Variants in SH3TC1 observed in about 807,000 individuals in gnomAD.
The protein encoded by SH3TC1 is SH3 domain and tetratricopeptide repeat-containing protein 1.
SH3TC1 carries 135 observed loss-of-function variants against 117.3 expected under a neutral mutation model. The observed-to-expected ratio is 1.15, with a 90% CI of 1.00 to 1.33. SH3TC1 has a LOEUF of 1.33. SH3TC1 is among the 40% of genes most tolerant of loss of function. The pLI, the probability that SH3TC1 is intolerant of heterozygous loss-of-function variation, is 0.00. For missense variants in SH3TC1, 2,092 were observed against 1,794.3 expected (o/e 1.17, Z -3.00); for synonymous variants, 898 against 816.9 (o/e 1.10, Z -1.69).
At chr4:8,200,070 G>A (rs1717727654) in intron 1 of SH3TC1, among the ~76,000 whole-genome samples, 1 of 152,234 alleles carries the variant, frequency 6.6e-6, no homozygotes, top group Non-Finnish European at 1.5e-5. Context: ...AGCCCTGGGA[G>A]CCCTGCCCTG....
rs918508254 is a variant in SH3TC1, at chr4:8,186,378, C to T, written c.-57+4168C>T. ...CCCGGCCAAAAGGCACCCCAAAAGA[C>T]GAGGTGATGAAACCAGACGTGGTGT... On this transcript the variant is annotated intron_variant, in intron 1 of 16. Transcript: ENST00000508641. This position sits in a 1 kb window ranked among gnomAD's most constrained non-coding sequence, Gnocchi z 5.2. Among the ~76,000 whole-genome samples, 4 of 152,184 alleles carry T rather than the reference C, an allele frequency of 2.6e-5. No individual in the cohort carries two copies. In the South Asian group the frequency reaches 6.2e-4, roughly 24 times the overall value.
chr4:8,215,302 C>A (rs1462035368), intron 5 of SH3TC1: 1 of 452,578 alleles, frequency 2.2e-6, no homozygotes, highest in Non-Finnish European at 4.5e-6. Context: ...TCTAACGGAG[C>A]CTCCCTGGGG....
chr4:8,227,216 G>C lies in SH3TC1; in HGVS notation c.1522G>C (p.Ala508Pro). 1 of 1,561,502 alleles carries C rather than the reference G, an allele frequency of 6.4e-7. No homozygotes were observed. The highest frequency in any genetic ancestry group is 8.7e-7 in the Non-Finnish European group (1 of 1,150,314). ...GAGCTCACTGCTGCTGTTCCTGAAC[G>C]CCCCTGGGTACAAGGCCAGCTTCCG... ...ALSSLLLFLNAPGYKASFRGL... is the reference protein window; with the variant it reads ...ALSSLLLFLNPPGYKASFRGL... The change falls in exon 12 of 18, where the codon GCC (alanine) becomes CCC (proline). Residue 508 changes from alanine to proline, a missense_variant. Coordinates refer to ENST00000245105, the MANE Select transcript of SH3TC1 (RefSeq NM_018986.5).
rs1203008694 is a variant in SH3TC1 at position 8,235,500 on chromosome 4, G to A, written c.3350G>A (p.Gly1117Glu). The A allele has an allele frequency of 1.2e-6, 2 of 1,607,208 alleles. No homozygotes were observed. Among genetic ancestry groups the A allele is most frequent in the South Asian group, 2.2e-5 (2 of 90,020 alleles). Residue 1117 changes from glycine to glutamate, a missense_variant, in exon 15 of 18, where the codon GGA becomes GAA. Physicochemically the swap from Gly to Glu is moderately conservative, Grantham distance 98. Transcript: ENST00000245105. ...GGGCTGGAGCTGTTTGAGGCGGCTG[G>A]AGACATCTTCTTCGACGGGGCCTGG... ...NLGLELFEAAGDIFFDGAWER... is the reference protein window; with the variant it reads ...NLGLELFEAAEDIFFDGAWER...
In SH3TC1 at chr4:8,205,182, G is replaced by T. The variant is rs755985420; in HGVS notation, c.-13G>T. On this transcript the variant is annotated 5_prime_UTR_variant, in exon 2 of 18. Coordinates refer to ENST00000245105, the MANE Select transcript of SH3TC1 (RefSeq NM_018986.5). The surrounding 1 kb of genome is among the most constrained non-coding windows in gnomAD (Gnocchi z 5.4). ...CTGTCCACAGGGCCAGGCATGTGAG[G>T]TCTCTGCGGGTCATGGAGAACCTCC... 1.0e-5 allele frequency: 15 copies of T among 1,504,474 alleles called. No individual in the cohort carries two copies. Among genetic ancestry groups the T allele is most frequent in the Non-Finnish European group, 1.2e-5 (14 of 1,126,862 alleles). The allele number at this position is 1,504,474 out of a possible 1,614,324, so 93.2% of individuals were successfully genotyped here. A position where few individuals can be genotyped will look rare whatever the true frequency, so the allele number is the denominator to read the frequency against.
At position 8,222,897 on chromosome 4, in the gene SH3TC1, C is replaced by T. The variant is rs369800587; in HGVS notation, c.1170C>T (p.Cys390=). ...EEEKSFFSEG[C]FSEEDARQLL... is the part of the protein sequence containing the mutation. ...AAAAGTCATTCTTCAGCGAGGGCTG[C>T]TTTTCTGAGGAGGATGCCAGGCAGT... The change falls in exon 10 of 18, where the codon TGC becomes TGT. Residue 390 remains cysteine, a synonymous_variant. Transcript: ENST00000245105. The T allele has an allele frequency of 6.2e-7, 1 of 1,613,572 alleles. No individual in the cohort carries two copies. Among genetic ancestry groups the T allele is most frequent in the African/African-American group, 1.3e-5 (1 of 74,932 alleles).
intron 7 of SH3TC1, 56 bp downstream of exon 7, chr4:8,217,223 C>A (rs951988883): frequency 2.6e-6 from 4 of 1,545,694 alleles, no homozygotes; most frequent in Non-Finnish European, 3.5e-6. Flanking sequence ...GACTCCCAGG[C>A]CCGGGTCATC....
intron 17 of SH3TC1, among the ~76,000 whole-genome samples, chr4:8,239,571 T>C (rs1034445746): frequency 2.7e-5 from 4 of 145,460 alleles, no homozygotes; most frequent in Admixed American, 6.8e-5. Flanking sequence ...CACACGCAAA[T>C]GCACAGAGGC....
In SH3TC1 at chr4:8,205,599, G is replaced by A. The variant is rs769650076; in HGVS notation, c.172+233G>A. The A allele has an allele frequency of 6.4e-5, 50 of 776,402 alleles. No individual in the cohort carries two copies. The highest frequency in any genetic ancestry group is 1.4e-4 in the Admixed American group (8 of 59,026). The allele number at this position is 776,402 out of a possible 1,614,324, so 48.1% of individuals were successfully genotyped here. ...GCCCAGCTCGTGTTTTTCCAGGGAC[G>A]CGTCAGTGATAACAAAACTGGCAAA... On this transcript the variant is annotated intron_variant, in intron 2 of 17. Transcript: ENST00000245105. The surrounding 1 kb of genome is among the most constrained non-coding windows in gnomAD (Gnocchi z 5.4).
At chr4:8,228,738 C>T in intron 12 of SH3TC1, 94 bp downstream of exon 12, 2 of 1,111,356 alleles carry the variant, frequency 1.8e-6, no homozygotes, top group Non-Finnish European at 2.5e-6. Flanking sequence ...GTGGTTTTTC[C>T]ACCATCGAAA....
intron 14 of SH3TC1, among the ~76,000 whole-genome samples, chr4:8,234,574 TCCATCCAC>T (rs1426319502): frequency 1.0e-3 from 77 of 76,966 alleles, no homozygotes; most frequent in Middle Eastern, 6.8e-3. Flanking sequence ...CATTTATCCA[TCCATCCAC>T]CCATCCATCC....
intron 7 of SH3TC1, 29 bp from the exon 8 acceptor site, chr4:8,218,242 C>T (rs764035366): frequency 6.3e-7 from 1 of 1,584,808 alleles, no homozygotes; most frequent in East Asian, 2.2e-5. Context: ...TGAAATCCCG[C>T]AGCAAAGACC....
intron 9 of SH3TC1, among the ~76,000 whole-genome samples, chr4:8,220,031 C>G (rs1038434565): frequency 6.6e-6 from 1 of 152,164 alleles, no homozygotes; most frequent in Non-Finnish European, 1.5e-5. Flanking sequence ...GTGTGTCTTC[C>G]GTATTCTCTT....
At position 8,241,048 on chromosome 4, in the gene SH3TC1, G is replaced by A. The variant is rs1722303617; in HGVS notation, c.*93G>A. 4 of 1,532,580 alleles carry A rather than the reference G, an allele frequency of 2.6e-6. No individual in the cohort carries two copies. The highest frequency in any genetic ancestry group is 3.9e-5 in the Admixed American group (2 of 50,692). The allele number at this position is 1,532,580 out of a possible 1,614,324, so 94.9% of individuals were successfully genotyped here. A position where few individuals can be genotyped will look rare whatever the true frequency, so the allele number is the denominator to read the frequency against. ...GTGGCTCATTTTCTGGCAAATGGAGGCACGAACGCAGGGGCCAAATAGCAA... is the reference window on the plus strand; with the variant it reads ...GTGGCTCATTTTCTGGCAAATGGAGACACGAACGCAGGGGCCAAATAGCAA... On this transcript the variant is annotated 3_prime_UTR_variant, in exon 18 of 18. Coordinates refer to ENST00000245105, the MANE Select transcript of SH3TC1 (RefSeq NM_018986.5).
intron 13 of SH3TC1, chr4:8,232,732 A>AC (rs1255376613): frequency 1.9e-5 from 24 of 1,289,470 alleles, no homozygotes; most frequent in Middle Eastern, 2.1e-4. Context: ...CTGCACTCAC[A>AC]CCCCTTCGAC....
At chr4:8,184,125 C>G (rs1717159378) in intron 1 of SH3TC1, among the ~76,000 whole-genome samples, 1 of 152,190 alleles carries the variant, frequency 6.6e-6, no homozygotes, top group South Asian at 2.1e-4. Flanking sequence ...TGTATATATG[C>G]ATGTCTCTAA....
At chr4:8,197,640 C>G (rs1272585400), upstream of SH3TC1, among the ~76,000 whole-genome samples, 2 of 152,214 alleles carry the variant, frequency 1.3e-5, no homozygotes, top group Non-Finnish European at 2.9e-5. Flanking sequence ...GGGGCCTGGC[C>G]AGGCCGGGCC....
At chr4:8,226,321 C>A (rs1475226615) in intron 11 of SH3TC1, among the ~76,000 whole-genome samples, 2 of 152,168 alleles carry the variant, frequency 1.3e-5, no homozygotes, top group African/African-American at 4.8e-5. Context: ...TTAGGAACTG[C>A]GGGCTTCAGG....
At position 8,208,528 on chromosome 4, in the gene SH3TC1, C is replaced by T. The variant is rs560107332; in HGVS notation, c.173-1220C>T. ...GACTACAGGTGTGCGCCACCCTGCC[C>T]GGCTAATTTTTGTATTTTTAGTAAA... On this transcript the variant is annotated intron_variant, in intron 2 of 17. Transcript: ENST00000245105. 1.4e-4 allele frequency among the ~76,000 whole-genome samples: 21 copies of T among 152,124 alleles called. No individual in the cohort carries two copies. The East Asian group carries it at 2.1e-3, about 15-fold the overall frequency.
Sources: gnomAD v4.1 joint callset for allele counts (sites outside exome capture counted in the v4.1 genomes callset) on GRCh38, gnomAD v4.1.1 for gene constraint, Gnocchi (gnomAD v3.1) non-coding constraint, MANE v1.5 for transcripts, NCBI Gene and HGNC (gene_info 2026-07-23, HGNC 2026-07-21) for gene names.